Variants in HTR1F observed in about 807,000 individuals in gnomAD.
The protein encoded by HTR1F is 5-hydroxytryptamine receptor 1F.
Under a neutral mutation model 24.0 loss-of-function variants are expected in HTR1F, and 17 were observed. The ratio of observed to expected loss-of-function variants is 0.71; its 90% CI spans 0.48 to 1.06. HTR1F has a LOEUF of 1.06. HTR1F is among the 50% of genes least tolerant of loss of function. HTR1F has a pLI of 0.00. For synonymous variants in HTR1F, 186 were observed against 156.8 expected (o/e 1.19, Z -1.39); for missense variants, 391 against 427.8 (o/e 0.91, Z 0.76).
Position 87,845,442 on chromosome 3 carries a change from GACAA to G in HTR1F, c.-43+23322_-43+23325del, listed in dbSNP as rs551702441. ...CAAGCATTCCTATACACCAACAACA[GACAA>G]ACAGAGAGCCAAATCATGAGTGAAC... On this transcript the variant is annotated intron_variant, in intron 2 of 2. Transcript: ENST00000319595. Among the ~76,000 whole-genome samples the G allele has an allele frequency of 6.9e-4, 102 of 148,868 alleles. 2 individuals are homozygous for G. Among genetic ancestry groups the G allele is most frequent in the Middle Eastern group, 6.8e-3 (2 of 292 alleles).
chr3:87,990,654 G>A lies in HTR1F; in HGVS notation c.-42-54G>A, dbSNP rs942605544. 7.0e-5 allele frequency: 59 copies of A among 841,132 alleles called. 2 individuals carry two copies. In the South Asian group the frequency reaches 7.6e-4, roughly 11 times the overall value. The allele number at this position is 841,132 out of a possible 1,614,324, so 52.1% of individuals were successfully genotyped here. A position where few individuals can be genotyped will look rare whatever the true frequency, so the allele number is the denominator to read the frequency against. ...TTTTTAAAAATTATTCTGAAAGGAAGAGAAAAGTTCTTGAAGCCTTCTCTG... is the reference window on the plus strand; with the variant it reads ...TTTTTAAAAATTATTCTGAAAGGAAAAGAAAAGTTCTTGAAGCCTTCTCTG... On this transcript the variant is annotated intron_variant, in intron 2 of 2. Transcript: ENST00000319595.
chr3:87,890,843 CTT>C (rs5850816), intron 2 of HTR1F, among the ~76,000 whole-genome samples: 54 of 139,024 alleles, frequency 3.9e-4, no homozygotes, highest in Admixed American at 4.3e-4. Context: ...TCAATTATTT[CTT>C]TTTTTTTTTT....
At chr3:87,859,484 G>A (rs774648192) in intron 2 of HTR1F, among the ~76,000 whole-genome samples, 6 of 152,134 alleles carry the variant, frequency 3.9e-5, no homozygotes, top group Non-Finnish European at 8.8e-5. Flanking sequence ...TTGTAGGAAC[G>A]ATCACACAAT....
chr3:87,832,474 C>T, intron 2 of HTR1F, among the ~76,000 whole-genome samples: 1 of 151,934 alleles, frequency 6.6e-6, no homozygotes, highest in East Asian at 1.9e-4. Flanking sequence ...ACTACAGGCG[C>T]ACGCCGCCAC....
At chr3:87,937,858 AG>A (rs1704463421) in intron 2 of HTR1F, among the ~76,000 whole-genome samples, 1 of 149,744 alleles carries the variant, frequency 6.7e-6, no homozygotes, top group African/African-American at 2.4e-5. Context: ...CAGGAGGCAG[AG>A]GTTGCAGTGA....
At chr3:87,850,342 G>C (rs1705055415) in intron 2 of HTR1F, among the ~76,000 whole-genome samples, 1 of 151,792 alleles carries the variant, frequency 6.6e-6, no homozygotes, top group African/African-American at 2.4e-5. Context: ...ATCATTCTCA[G>C]CAAACTATCG....
At chr3:87,978,248 C>T (rs1457480480) in intron 2 of HTR1F, among the ~76,000 whole-genome samples, 3 of 152,132 alleles carry the variant, frequency 2.0e-5, no homozygotes, top group African/African-American at 7.2e-5. Context: ...GGTGTCATCT[C>T]GAGTGCACCA....
intron 2 of HTR1F, among the ~76,000 whole-genome samples, chr3:87,927,486 T>A (rs187171709): frequency 7.4e-4 from 112 of 152,272 alleles, no homozygotes; most frequent in Non-Finnish European, 1.2e-3. Flanking sequence ...CAGGCTTCAA[T>A]TGATCTCTAC....
intron 2 of HTR1F, among the ~76,000 whole-genome samples, chr3:87,955,515 T>C: frequency 6.6e-6 from 1 of 151,482 alleles, no homozygotes; most frequent in East Asian, 1.9e-4. Flanking sequence ...ATATAGGATA[T>C]TTTATGGACA....
At chr3:87,867,473 G>T (rs993575369) in intron 2 of HTR1F, among the ~76,000 whole-genome samples, 1 of 151,620 alleles carries the variant, frequency 6.6e-6, no homozygotes, top group African/African-American at 2.4e-5. Context: ...GCTCAAGCAT[G>T]GGACAAAAAC....
chr3:87,948,651 T>C (rs1342240583), intron 2 of HTR1F, among the ~76,000 whole-genome samples: 3 of 152,068 alleles, frequency 2.0e-5, no homozygotes, highest in East Asian at 3.9e-4. Context: ...TAAGCTAATT[T>C]TGCTTATTTT....
intron 1 of HTR1F, among the ~76,000 whole-genome samples, chr3:87,819,856 G>A (rs1240618885): frequency 6.6e-6 from 1 of 152,038 alleles, no homozygotes; most frequent in East Asian, 1.9e-4. Flanking sequence ...TATGATTACT[G>A]TTGACAAACT....
intron 2 of HTR1F, among the ~76,000 whole-genome samples, chr3:87,899,040 G>C (rs1177017728): frequency 2.0e-5 from 3 of 152,116 alleles, no homozygotes; most frequent in African/African-American, 7.2e-5. Flanking sequence ...ACATGCTCCA[G>C]GAAGTAAGCA....
rs113697106 is a variant in HTR1F, at chr3:87,815,289, A to AAT, written c.-159-6704_-159-6703dup. 8.4e-3 allele frequency among the ~76,000 whole-genome samples: 1,261 copies of AAT among 149,900 alleles called. 12 individuals are homozygous for AAT. Among genetic ancestry groups the AAT allele is most frequent in the South Asian group, 0.02 (94 of 4,746 alleles). ...GATTTAGAACATTGTGGGTGAATCA[A>AAT]ATATATATATATATATGAACTGATA... On this transcript the variant is annotated intron_variant, in intron 1 of 2. Coordinates refer to ENST00000319595, the MANE Select transcript of HTR1F (RefSeq NM_001322209.2).
chr3:87,990,204 G>A (rs781226701), intron 2 of HTR1F, among the ~76,000 whole-genome samples: 2 of 151,970 alleles, frequency 1.3e-5, no homozygotes, highest in Non-Finnish European at 2.9e-5. Context: ...ATTTTGTCAT[G>A]CTTCAAGCCT....
intron 2 of HTR1F, among the ~76,000 whole-genome samples, chr3:87,835,224 C>A (rs1400966937): frequency 3.3e-5 from 5 of 152,056 alleles, no homozygotes; most frequent in African/African-American, 1.2e-4. Flanking sequence ...ACTTGTGGGG[C>A]TCAAGGCAAA....
chr3:87,970,264 A>G (rs1293726564), intron 2 of HTR1F, among the ~76,000 whole-genome samples: 2 of 152,238 alleles, frequency 1.3e-5, no homozygotes, highest in Non-Finnish European at 2.9e-5. Context: ...CAATAGTTCT[A>G]AGTTAAGCAT....
intron 1 of HTR1F, among the ~76,000 whole-genome samples, chr3:87,799,099 A>G (rs1171519216): frequency 6.6e-6 from 1 of 152,220 alleles, no homozygotes; most frequent in East Asian, 1.9e-4. Flanking sequence ...ATAATTTTAG[A>G]CAATTAGCAG....
intron 2 of HTR1F, among the ~76,000 whole-genome samples, chr3:87,978,934 A>G (rs560400650): frequency 1.1e-4 from 11 of 101,868 alleles, no homozygotes; most frequent in African/African-American, 4.4e-4. Flanking sequence ...GGAAGGAAGG[A>G]AAAGAGAGAG....
Sources: allele counts gnomAD v4.1 joint callset (sites outside exome capture counted in the v4.1 genomes callset), GRCh38; gene constraint gnomAD v4.1.1; transcripts MANE v1.5; gene names NCBI Gene and HGNC (gene_info 2026-07-23, HGNC 2026-07-21).